Variants in NBEA observed in about 807,000 individuals in gnomAD.
NBEA encodes the protein neurobeachin.
A neutral mutation model predicts 343.4 loss-of-function variants in NBEA; 44 were observed. The observed-to-expected ratio is 0.13, with a 90% CI of 0.10 to 0.16. The LOEUF (loss-of-function observed/expected upper bound fraction) is 0.16. Among genes scored for constraint, NBEA ranks in the 10% least tolerant of loss-of-function variants. The pLI is 1.00. For missense variants in NBEA, 2,555 were observed against 3,631.3 expected (o/e 0.70, Z 7.62); for synonymous variants, 1,175 against 1,238.7 (o/e 0.95, Z 1.08).
At chr13:34,960,340 T>TA (rs1566092682) in intron 1 of NBEA, among the ~76,000 whole-genome samples, 1 of 152,080 alleles carries the variant, frequency 6.6e-6, no homozygotes, top group Non-Finnish European at 1.5e-5. Flanking sequence ...GTCAAAAAGT[T>TA]AAAAAAATGA....
At chr13:35,652,633 T>A (rs1367766383) in intron 53 of NBEA, among the ~76,000 whole-genome samples, 1 of 118,650 alleles carries the variant, frequency 8.4e-6, no homozygotes, top group Non-Finnish European at 1.7e-5. Flanking sequence ...AGAGCGAGAC[T>A]CCATCTCAAA....
At chr13:35,429,834 T>TGTGTGTGC (rs1555262949) in intron 38 of NBEA, among the ~76,000 whole-genome samples, 1 of 148,440 alleles carries the variant, frequency 6.7e-6, no homozygotes, top group African/African-American at 2.5e-5. Flanking sequence ...TGTGTGTGTG[T>TGTGTGTGC]ACACACATTT....
chr13:35,255,982 C>T (rs986594546), intron 34 of NBEA, among the ~76,000 whole-genome samples: 1 of 152,070 alleles, frequency 6.6e-6, no homozygotes, highest in African/African-American at 2.4e-5. Flanking sequence ...GCAGGTCATC[C>T]CAGTGAGTGT....
chr13:35,266,283 C>T (rs2033669211), intron 34 of NBEA, among the ~76,000 whole-genome samples: 1 of 151,760 alleles, frequency 6.6e-6, no homozygotes, highest in African/African-American at 2.4e-5. Context: ...AATGGAGGTT[C>T]TTCAAAAACC....
chr13:35,177,103 G>A lies in NBEA; in HGVS notation c.4662G>A (p.Val1554=), dbSNP rs1751164985. 1.3e-6 allele frequency: 2 copies of A among 1,587,730 alleles called. No homozygotes were observed. Among genetic ancestry groups the A allele is most frequent in the Non-Finnish European group, 1.7e-6 (2 of 1,163,588 alleles). ...NRLRAVVFRD[V]DDSKQAQFLA... Reference sequence around the variant, plus strand: ...TTCGTGCTGTTGTCTTTCGGGATGTGGTAAGTTATACCTGATTGGTTTCCC... The same window carrying A: ...TTCGTGCTGTTGTCTTTCGGGATGTAGTAAGTTATACCTGATTGGTTTCCC... Residue 1554 remains valine (V), a splice_region_variant and synonymous_variant, in exon 28 of 59, where the codon GTG becomes GTA. Coordinates refer to ENST00000379939, the MANE Select transcript of NBEA (RefSeq NM_001385012.1).
intron 1 of NBEA, among the ~76,000 whole-genome samples, chr13:35,005,054 G>A (rs1053255500): frequency 6.6e-6 from 1 of 152,074 alleles, no homozygotes; most frequent in Non-Finnish European, 1.5e-5. Context: ...TATGTGCCAA[G>A]CATTATACTG....
chr13:34,943,152 C>A, intron 1 of NBEA, 38 bp downstream of exon 1: 1 of 1,607,372 alleles, frequency 6.2e-7, no homozygotes, highest in South Asian at 1.1e-5. Context: ...CTTCCCCAGT[C>A]CCCACATACA....
intron 1 of NBEA, among the ~76,000 whole-genome samples, chr13:35,023,261 TGATAAGAAA>T (rs2061907877): frequency 6.6e-6 from 1 of 152,146 alleles, no homozygotes; most frequent in Non-Finnish European, 1.5e-5. Context: ...CCAGATTTTA[TGATAAGAAA>T]AATGTATTTC....
intron 38 of NBEA, among the ~76,000 whole-genome samples, chr13:35,427,223 T>C (rs1402785676): frequency 4.6e-5 from 7 of 152,206 alleles, no homozygotes; most frequent in African/African-American, 1.2e-4. Context: ...TTTTTAGAGT[T>C]TCCAGTTTTT....
intron 33 of NBEA, among the ~76,000 whole-genome samples, chr13:35,231,648 A>C (rs571595259): frequency 6.6e-6 from 1 of 152,130 alleles, no homozygotes; most frequent in South Asian, 2.1e-4. Flanking sequence ...TTTTCTGTGC[A>C]CTTTATATCC....
chr13:35,340,301 G>C (rs2039514651), intron 36 of NBEA, among the ~76,000 whole-genome samples: 2 of 151,988 alleles, frequency 1.3e-5, no homozygotes, highest in Non-Finnish European at 2.9e-5. Flanking sequence ...CCTTAAAAAG[G>C]AATGAAATTC....
In NBEA at chr13:35,668,369, C is replaced by T; in HGVS notation, c.8663C>T (p.Ala2888Val). 1.9e-6 allele frequency: 3 copies of T among 1,597,778 alleles called. No homozygotes were observed. The highest frequency in any genetic ancestry group is 2.6e-6 in the Non-Finnish European group (3 of 1,171,400). ...TTGTTTGTTTTACCTTTTCTGAAGG[C>T]CATTCTCCTGAGCAGTGACGGCCAG... ...AQMEINDSTRAILLSSDGQNL... is the reference protein window; with the variant it reads ...AQMEINDSTRVILLSSDGQNL... Residue 2888 changes from alanine to valine, a missense_variant and splice_region_variant, in exon 58 of 59, where the codon GCC becomes GTC. Around this residue, in one of 21 missense-constraint regions of NBEA, gnomAD observed 186 missense variants for 328.9 expected, o/e 0.57. Coordinates refer to ENST00000379939, the MANE Select transcript of NBEA (RefSeq NM_001385012.1).
At chr13:35,145,470 G>A (rs1323588564) in intron 18 of NBEA, among the ~76,000 whole-genome samples, 4 of 152,070 alleles carry the variant, frequency 2.6e-5, no homozygotes, top group Non-Finnish European at 5.9e-5. Context: ...TCTTATCTGA[G>A]GCCTCTTTAG....
At chr13:35,646,747 T>C (rs549424393) in intron 51 of NBEA, among the ~76,000 whole-genome samples, 2 of 152,324 alleles carry the variant, frequency 1.3e-5, no homozygotes, top group East Asian at 1.9e-4. Context: ...AGTAGTTCAT[T>C]TGAATAAAAG....
intron 38 of NBEA, among the ~76,000 whole-genome samples, chr13:35,356,038 AG>A (rs1296964114): frequency 1.3e-5 from 2 of 150,396 alleles, no homozygotes; most frequent in African/African-American, 5.0e-5. Context: ...TTGTATCCCC[AG>A]CACCTAGAAT....
intron 7 of NBEA, 63 bp from the exon 8 acceptor site, chr13:35,058,654 T>A: frequency 7.6e-7 from 1 of 1,319,240 alleles, no homozygotes; most frequent in Admixed American, 2.0e-5. Context: ...AAGGCCGATT[T>A]AAGGATTTAA....
chr13:35,626,931 T>C (rs2083256621), intron 48 of NBEA, among the ~76,000 whole-genome samples: 1 of 152,140 alleles, frequency 6.6e-6, no homozygotes, highest in South Asian at 2.1e-4. Context: ...CTAATTGGTG[T>C]AGATGAAATA....
intron 41 of NBEA, among the ~76,000 whole-genome samples, chr13:35,537,229 A>G (rs900759052): frequency 5.9e-5 from 9 of 152,168 alleles, no homozygotes; most frequent in Admixed American, 1.3e-4. Flanking sequence ...ATAGACACCC[A>G]TTGACATAGC....
intron 1 of NBEA, among the ~76,000 whole-genome samples, chr13:35,022,799 C>T (rs567478881): frequency 9.2e-5 from 14 of 152,152 alleles, no homozygotes; most frequent in Middle Eastern, 3.4e-3. Flanking sequence ...ATTTGAGACA[C>T]CCATTGCACA....
Sources: gnomAD v4.1 joint callset for allele counts (sites outside exome capture counted in the v4.1 genomes callset) on GRCh38, gnomAD v4.1.1 for gene constraint, gnomAD v4.1.1 regional missense constraint, MANE v1.5 for transcripts, NCBI Gene and HGNC (gene_info 2026-07-23, HGNC 2026-07-21) for gene names.